The following EFCAB5 variants were observed in gnomAD, a reference collection of about 807,000 sequenced individuals.
EFCAB5 encodes the protein EF-hand calcium-binding domain-containing protein 5.
A neutral mutation model predicts 167.9 loss-of-function variants in EFCAB5; 131 were observed. The observed-to-expected ratio is 0.78, with a 90% CI of 0.68 to 0.90. The LOEUF (loss-of-function observed/expected upper bound fraction) is 0.90, where lower values mean the gene tolerates loss of function less well. Among genes scored for constraint, EFCAB5 ranks in the 40% least tolerant of loss-of-function variants. The probability of loss-of-function intolerance (pLI) is 0.00; values close to 1 mark genes in which losing one functional copy is unlikely to be tolerated. For synonymous variants in EFCAB5, 574 were observed against 602.8 expected (o/e 0.95, Z 0.70); for missense variants, 1,663 against 1,745.2 (o/e 0.95, Z 0.84).
chr17:30,059,145 A>G (rs2070356096), intron 13 of EFCAB5: 1 of 152,782 alleles, frequency 6.5e-6, no homozygotes, highest in South Asian at 2.1e-4. Flanking sequence ...CATGGGACCA[A>G]CCAAGAATGT....
intron 20 of EFCAB5, among the ~76,000 whole-genome samples, chr17:30,091,583 T>C (rs1237773759): frequency 6.6e-6 from 1 of 152,116 alleles, no homozygotes; most frequent in African/African-American, 2.4e-5. Flanking sequence ...AGAGAGACAA[T>C]AGACTAATAA....
intron 4 of EFCAB5, among the ~76,000 whole-genome samples, chr17:29,982,154 C>A (rs561570777): frequency 6.6e-6 from 1 of 152,288 alleles, no homozygotes; most frequent in African/African-American, 2.4e-5. Flanking sequence ...AGTTTAGCGG[C>A]TGGGCACGGT....
At chr17:30,069,926 C>T (rs1048792357) in intron 14 of EFCAB5, among the ~76,000 whole-genome samples, 2 of 152,200 alleles carry the variant, frequency 1.3e-5, no homozygotes, top group Admixed American at 1.3e-4. Flanking sequence ...AATGCTGGAG[C>T]TGGTGATTAG....
intron 1 of EFCAB5, among the ~76,000 whole-genome samples, chr17:29,935,722 C>A (rs199564766): frequency 2.0e-4 from 26 of 131,620 alleles, no homozygotes; most frequent in East Asian, 1.2e-3. Flanking sequence ...AAAAAAAAAA[C>A]AAACAAACAA....
intron 4 of EFCAB5, among the ~76,000 whole-genome samples, chr17:29,971,201 T>C (rs940454063): frequency 6.6e-6 from 1 of 152,236 alleles, no homozygotes; most frequent in East Asian, 1.9e-4. Context: ...TCTATCTGGA[T>C]GTAGTCTGAA....
intron 14 of EFCAB5, chr17:30,068,570 C>T (rs1364143463): frequency 9.8e-6 from 9 of 921,324 alleles, no homozygotes; most frequent in Non-Finnish European, 1.1e-5. Context: ...ACCATACTAC[C>T]GCTGTCACCA....
chr17:30,034,843 A>T (rs1458759335), intron 8 of EFCAB5, among the ~76,000 whole-genome samples: 1 of 152,210 alleles, frequency 6.6e-6, no homozygotes, highest in Non-Finnish European at 1.5e-5. Flanking sequence ...CACACTATTA[A>T]CAATGTTTAT....
At chr17:30,104,226 T>G (rs976044027) in intron 22 of EFCAB5, among the ~76,000 whole-genome samples, 1 of 152,254 alleles carries the variant, frequency 6.6e-6, no homozygotes, top group Non-Finnish European at 1.5e-5. Context: ...ACATTTTAGC[T>G]TTTGTACTTG....
intron 15 of EFCAB5, 86 bp from the exon 16 acceptor site, chr17:30,079,986 A>G (rs552413016): frequency 4.1e-6 from 6 of 1,460,456 alleles, no homozygotes; most frequent in African/African-American, 1.4e-5. Context: ...CTGGGGCAAG[A>G]TGCATGAATT....
intron 3 of EFCAB5, 24 bp downstream of exon 3, chr17:29,943,673 T>C (rs753943292): frequency 7.1e-6 from 11 of 1,547,576 alleles, no homozygotes; most frequent in South Asian, 6.0e-5. Flanking sequence ...CTTTCTCTTA[T>C]ACAATAGAAT....
intron 7 of EFCAB5, among the ~76,000 whole-genome samples, chr17:30,022,050 C>G (rs2069192429): frequency 6.6e-6 from 1 of 151,962 alleles, no homozygotes; most frequent in Non-Finnish European, 1.5e-5. Flanking sequence ...GTCACAGATG[C>G]CTTCATATTC....
Position 30,053,262 on chromosome 17 carries a change from C to A in EFCAB5, c.1308C>A (p.Phe436Leu). ...SLLRNPRQWP[F>L]IEFEEINLTE... is the part of the protein sequence containing the mutation. The stretch of plus-strand genomic sequence containing the variant: ...TTTTGTTTTCTGCATTAGGGCCATT[C>A]ATTGAATTTGAAGAGATAAACTTGA... Residue 436 changes from phenylalanine (F) to leucine (L), a missense_variant, in exon 10 of 23, where the codon TTC becomes TTA. Physicochemically the swap from Phe to Leu is conservative, Grantham distance 22. Coordinates refer to ENST00000394835, the MANE Select transcript of EFCAB5 (RefSeq NM_198529.4). 3 of 1,597,822 alleles carry A rather than the reference C, an allele frequency of 1.9e-6. No homozygotes were observed. Among genetic ancestry groups the A allele is most frequent in the Non-Finnish European group, 2.6e-6 (3 of 1,171,432 alleles).
At chr17:30,055,322 G>GAGGA (rs71138869) in intron 10 of EFCAB5, among the ~76,000 whole-genome samples, 9,863 of 106,602 alleles carry the variant, frequency 0.093, 507 homozygotes, top group African/African-American at 0.097. Flanking sequence ...GAGAGAGAGA[G>GAGGA]AGGAAGGAAG....
At position 30,078,341 on chromosome 17, in the gene EFCAB5, A is replaced by T; in HGVS notation, c.2864A>T (p.Glu955Val). The T allele has an allele frequency of 1.2e-6, 2 of 1,613,972 alleles. No individual in the cohort carries two copies. Among genetic ancestry groups the T allele is most frequent in the Non-Finnish European group, 1.7e-6 (2 of 1,179,882 alleles). ...AGGGGCAATGAAGACCAAGTTCTGG[A>T]AAGTGTTGTGGAATTTCTGATGAAT... Reference protein sequence around the residue: ...ELRGNEDQVLESVVEFLMNAL... With the variant: ...ELRGNEDQVLVSVVEFLMNAL... The change falls in exon 15 of 23, where the codon GAA becomes GTA. Residue 955 changes from glutamate to valine, a missense_variant. Transcript: ENST00000394835.
chr17:29,933,241 A>C (rs1410525733), intron 1 of EFCAB5, among the ~76,000 whole-genome samples: 1 of 152,242 alleles, frequency 6.6e-6, no homozygotes, highest in Non-Finnish European at 1.5e-5. Context: ...ATACGTACAA[A>C]GTTCTATAGA....
intron 9 of EFCAB5, among the ~76,000 whole-genome samples, chr17:30,051,770 G>T (rs1441925265): frequency 6.6e-6 from 1 of 152,056 alleles, no homozygotes; most frequent in Non-Finnish European, 1.5e-5. Context: ...TGTTGCCAAG[G>T]ATAGTCTCAA....
At chr17:30,005,466 C>T (rs2068755619) in intron 7 of EFCAB5, among the ~76,000 whole-genome samples, 1 of 152,102 alleles carries the variant, frequency 6.6e-6, no homozygotes, top group African/African-American at 2.4e-5. Context: ...CATTCAGATC[C>T]TTTGGCCATC....
intron 1 of EFCAB5, among the ~76,000 whole-genome samples, chr17:29,935,231 T>G (rs2067235260): frequency 6.6e-6 from 1 of 152,204 alleles, no homozygotes; most frequent in Admixed American, 6.5e-5. Flanking sequence ...TTTTACTAAC[T>G]TCATTTAACT....
chr17:29,970,665 C>T lies in EFCAB5; in HGVS notation c.767+1298C>T, dbSNP rs908665976. Among the ~76,000 whole-genome samples the T allele has an allele frequency of 2.8e-5, 4 of 143,498 alleles. No homozygotes were observed. In the South Asian group the frequency reaches 8.5e-4, roughly 30 times the overall value. 94.1% of individuals were successfully genotyped at this position (143,498 alleles called of 152,430 possible). ...ACACACACACACACACACACACACA[C>T]ACATACACACACACACACACACACA... On this transcript the variant is annotated intron_variant, in intron 4 of 22. Transcript: ENST00000394835.
Sources: allele counts gnomAD v4.1 joint callset (sites outside exome capture counted in the v4.1 genomes callset), GRCh38; gene constraint gnomAD v4.1.1; transcripts MANE v1.5; gene names NCBI Gene and HGNC (gene_info 2026-07-23, HGNC 2026-07-21).